The following SLC35F1 variants were observed in gnomAD, a reference collection of about 807,000 sequenced individuals.
SLC35F1 encodes the protein chromosome 6 open reading frame 169.
SLC35F1 carries 14 observed loss-of-function variants against 48.7 expected under a neutral mutation model. That is an observed-to-expected ratio of 0.29 (90% CI 0.19 to 0.45). The LOEUF (loss-of-function observed/expected upper bound fraction) is 0.45. Among genes scored for constraint, SLC35F1 ranks in the 20% least tolerant of loss-of-function variants. SLC35F1 has a pLI of 1.00. For missense variants in SLC35F1, 404 were observed against 500.0 expected, an observed-to-expected ratio of 0.81 and a Z score of 1.83; for synonymous variants, 190 against 202.2, an observed-to-expected ratio of 0.94 and a Z score of 0.51.
intron 6 of SLC35F1, among the ~76,000 whole-genome samples, chr6:118,281,545 C>A (rs58133112): frequency 0.049 from 7,507 of 152,082 alleles, 647 homozygotes; most frequent in African/African-American, 0.17. Context: ...AAGAAAGAAA[C>A]CATTGTTTCT....
intron 7 of SLC35F1, among the ~76,000 whole-genome samples, chr6:118,287,034 AG>A (rs1776059972): frequency 6.6e-6 from 1 of 152,146 alleles, no homozygotes; most frequent in African/African-American, 2.4e-5. Context: ...GCTTAAAGAA[AG>A]TATCTAGGAC....
In SLC35F1 at chr6:118,165,588, T is replaced by C. The variant is rs185497907; in HGVS notation, c.349+10968T>C. Among the ~76,000 whole-genome samples, 19 of 152,322 alleles carry C rather than the reference T, an allele frequency of 1.2e-4. No homozygotes were observed. The East Asian group carries it at 3.3e-3, about 26-fold the overall frequency. The stretch of plus-strand genomic sequence containing the variant: ...AGTGTTTTCTCTTCCACAATACACA[T>C]AGAATGCATTGTAAACTGCAACCAA... On this transcript the variant is annotated intron_variant, in intron 2 of 7. Transcript: ENST00000360388.
At chr6:118,121,577 A>G (rs1046931486) in intron 1 of SLC35F1, among the ~76,000 whole-genome samples, 1 of 152,140 alleles carries the variant, frequency 6.6e-6, no homozygotes, top group Admixed American at 6.5e-5. Context: ...CAACTAATCA[A>G]CCTCTCATGC....
intron 2 of SLC35F1, among the ~76,000 whole-genome samples, chr6:118,156,667 T>TAAA (rs201846701): frequency 3.1e-5 from 1 of 32,756 alleles, no homozygotes; most frequent in African/African-American, 1.0e-4. Context: ...GAAAGTATAA[T>TAAA]AAAAAATAAA....
intron 1 of SLC35F1, among the ~76,000 whole-genome samples, chr6:118,078,134 A>G (rs867739243): frequency 1.3e-5 from 2 of 152,008 alleles, no homozygotes; most frequent in African/African-American, 4.8e-5. Context: ...CATTTTTACT[A>G]TTTTTTAAAT....
chr6:118,075,151 T>C (rs75133517), intron 1 of SLC35F1, among the ~76,000 whole-genome samples: 2,215 of 152,328 alleles, frequency 0.015, 61 homozygotes, highest in African/African-American at 0.05. Flanking sequence ...AGAATTTGGA[T>C]AGTTAATGGA....
intron 2 of SLC35F1, among the ~76,000 whole-genome samples, chr6:118,164,901 G>A (rs1042373966): frequency 4.7e-4 from 72 of 152,274 alleles, no homozygotes; most frequent in African/African-American, 1.7e-3. Flanking sequence ...GCCACTGTGA[G>A]AGAACTCACT....
At chr6:118,139,496 T>C (rs1453062606) in intron 1 of SLC35F1, among the ~76,000 whole-genome samples, 2 of 152,156 alleles carry the variant, frequency 1.3e-5, no homozygotes, top group African/African-American at 2.4e-5. Flanking sequence ...CATGCAGAAC[T>C]GGGATACAAT....
chr6:118,144,236 A>G (rs2114448663), intron 1 of SLC35F1, among the ~76,000 whole-genome samples: 1 of 152,356 alleles, frequency 6.6e-6, no homozygotes, highest in East Asian at 1.9e-4. Flanking sequence ...GTACACATAC[A>G]CTACAGAATA....
chr6:118,314,467 G>T lies in SLC35F1; in HGVS notation c.*215G>T. The T allele has an allele frequency of 1.7e-6, 1 of 575,602 alleles. No homozygotes were observed. The highest frequency in any genetic ancestry group is 3.1e-6 in the Non-Finnish European group (1 of 321,900). The allele number at this position is 575,602 out of a possible 1,614,324, so 35.7% of individuals were successfully genotyped here. On this transcript the variant is annotated 3_prime_UTR_variant, in exon 8 of 8. Coordinates refer to ENST00000360388, the MANE Select transcript of SLC35F1 (RefSeq NM_001029858.4). ...TGACTTGGAAGGATGCCTAGCTAAC[G>T]TGTATCCTGATCACAACTCCCCTGC...
chr6:117,969,216 A>C lies in SLC35F1; in HGVS notation c.173+61317A>C, dbSNP rs961939717. Among the ~76,000 whole-genome samples the C allele has an allele frequency of 4.6e-5, 7 of 152,328 alleles. 1 individual carries two copies. The South Asian group carries it at 1.4e-3, about 32-fold the overall frequency. On this transcript the variant is annotated intron_variant, in intron 1 of 7. Coordinates refer to ENST00000360388, the MANE Select transcript of SLC35F1 (RefSeq NM_001029858.4). ...TTCACAATAAATTTATCTGTAATAT[A>C]GTTCAACATTTTTACCTGTAGGCTG...
chr6:118,306,866 G>A (rs754202139), intron 7 of SLC35F1, among the ~76,000 whole-genome samples: 2 of 152,214 alleles, frequency 1.3e-5, no homozygotes, highest in East Asian at 3.8e-4. Flanking sequence ...CCCGATTGCT[G>A]TATTCATGTG....
chr6:118,227,540 G>T (rs961044326), intron 2 of SLC35F1, among the ~76,000 whole-genome samples: 1 of 152,122 alleles, frequency 6.6e-6, no homozygotes, highest in African/African-American at 2.4e-5. Context: ...ATAGTACTCA[G>T]CTTAACGTAA....
At chr6:118,309,996 G>A (rs1418489591) in intron 7 of SLC35F1, among the ~76,000 whole-genome samples, 6 of 152,196 alleles carry the variant, frequency 3.9e-5, no homozygotes, top group African/African-American at 1.4e-4. Flanking sequence ...GATTCATGAA[G>A]GTAGAAAAAG....
At chr6:118,294,446 A>C (rs974571119) in intron 7 of SLC35F1, among the ~76,000 whole-genome samples, 1 of 152,256 alleles carries the variant, frequency 6.6e-6, no homozygotes, top group African/African-American at 2.4e-5. Context: ...AGCAGCTGAC[A>C]TGAAATATAC....
chr6:117,975,974 G>A (rs926440131), intron 1 of SLC35F1, among the ~76,000 whole-genome samples: 17 of 152,214 alleles, frequency 1.1e-4, no homozygotes, highest in African/African-American at 9.6e-5. Flanking sequence ...CCACGCAGTG[G>A]CAGTAGTACA....
intron 1 of SLC35F1, among the ~76,000 whole-genome samples, chr6:118,021,840 G>T (rs73766410): frequency 0.019 from 2,913 of 152,268 alleles, 99 homozygotes; most frequent in African/African-American, 0.066. Flanking sequence ...CTCCGCTATG[G>T]CTAGATAATC....
intron 2 of SLC35F1, among the ~76,000 whole-genome samples, chr6:118,164,934 A>G (rs1774295954): frequency 6.6e-6 from 1 of 152,166 alleles, no homozygotes; most frequent in Non-Finnish European, 1.5e-5. Flanking sequence ...ATACTAGCCC[A>G]TGACTAATTC....
At chr6:118,258,283 G>A (rs1037256600) in intron 3 of SLC35F1, among the ~76,000 whole-genome samples, 1 of 152,024 alleles carries the variant, frequency 6.6e-6, no homozygotes, top group African/African-American at 2.4e-5. Flanking sequence ...TTTTTCTAAC[G>A]AAAACCCTCT....
Sources: gnomAD v4.1 joint callset for allele counts (sites outside exome capture counted in the v4.1 genomes callset) on GRCh38, gnomAD v4.1.1 for gene constraint, MANE v1.5 for transcripts, NCBI Gene and HGNC (gene_info 2026-07-23, HGNC 2026-07-21) for gene names.